AKAP9: variants seen among roughly 807,000 people sequenced by gnomAD.
The protein encoded by AKAP9 is A-kinase anchor protein 9.
AKAP9 carries 311 observed loss-of-function variants against 488.5 expected under a neutral mutation model. The observed-to-expected ratio is 0.64, with a 90% confidence interval of 0.58 to 0.70. AKAP9 has a LOEUF of 0.70. Ranked by LOEUF, AKAP9 falls within the 30% of genes least tolerant of loss-of-function variation. The pLI, the probability that AKAP9 is intolerant of heterozygous loss-of-function variation, is 0.00. For synonymous variants in AKAP9, 1,462 were observed against 1,483.5 expected (o/e 0.99, Z 0.33); for missense variants, 4,215 against 4,374.5 (o/e 0.96, Z 1.03).
intron 2 of AKAP9, among the ~76,000 whole-genome samples, chr7:91,975,039 A>T (rs961900243): frequency 6.6e-6 from 1 of 152,010 alleles, no homozygotes; most frequent in Non-Finnish European, 1.5e-5. Flanking sequence ...TTTGGTAGAG[A>T]TGGGATTTTG....
In AKAP9 at chr7:92,098,136, A is replaced by T. The variant is rs554151195; in HGVS notation, c.10635A>T (p.Glu3545Asp). The T allele has an allele frequency of 6.2e-7, 1 of 1,611,992 alleles. No individual in the cohort carries two copies. The highest frequency in any genetic ancestry group is 8.5e-7 in the Non-Finnish European group (1 of 1,178,232). ...TACAGTTTGAAACAGCAGATGATGA[A>T]GATTTCATTTGGGTTCAGGAAAATA... ...ERLQFETADD[E>D]DFIWVQENID... Residue 3545 changes from glutamate (E) to aspartate (D), a missense_variant, in exon 43 of 50, where the codon GAA becomes GAT. Physicochemically the swap from Glu to Asp is conservative, Grantham distance 45. This residue lies in a region of AKAP9 where 1,476 missense variants were observed against 1,477.4 expected (regional missense o/e 1.00). Transcript: ENST00000356239.
At chr7:92,063,334 A>C in intron 24 of AKAP9, 1 of 289,814 alleles carries the variant, frequency 3.5e-6, no homozygotes, top group Non-Finnish European at 5.2e-6. Context: ...TACCAGTGAT[A>C]ATCAGTGTCT....
At position 92,097,105 on chromosome 7, in the gene AKAP9, AG is replaced by A; in HGVS notation, c.10147del (p.Asp3383IlefsTer47). On this transcript the variant is annotated frameshift_variant, in exon 41 of 50. Coordinates refer to ENST00000356239, the MANE Select transcript of AKAP9 (RefSeq NM_005751.5). LOFTEE classifies it high-confidence loss of function. Reference sequence around the variant, plus strand: ...TGCAAACACGACAGCAAATGGAAAAAGATAGGCAGGTTCACAGGAAAACACT... The same window carrying A: ...TGCAAACACGACAGCAAATGGAAAAAATAGGCAGGTTCACAGGAAAACACT... ...SLQTRQQMEK[D>X]RQVHRKTLQT... The A allele has an allele frequency of 6.2e-7, 1 of 1,614,276 alleles. No homozygotes were observed. The highest frequency in any genetic ancestry group is 8.5e-7 in the Non-Finnish European group (1 of 1,180,052).
Position 92,061,247 on chromosome 7 carries a change from C to T in AKAP9, c.5602-13C>T, listed in dbSNP as rs767521484. On this transcript the variant is annotated splice_polypyrimidine_tract_variant and intron_variant, in intron 22 of 49. Transcript: ENST00000356239. ...TTTATTTTCTTTTATGTATTGTTTCCCTCTTTGTTTAGCTTGAACATGCGA... is the reference window on the plus strand; with the variant it reads ...TTTATTTTCTTTTATGTATTGTTTCTCTCTTTGTTTAGCTTGAACATGCGA... The T allele has an allele frequency of 1.9e-6, 3 of 1,610,468 alleles. No homozygotes were observed. The East Asian group carries it at 6.7e-5, about 36-fold the overall frequency.
chr7:92,024,541 A>G (rs1439303909), intron 14 of AKAP9, among the ~76,000 whole-genome samples: 1 of 151,802 alleles, frequency 6.6e-6, no homozygotes, highest in African/African-American at 2.4e-5. Context: ...AAAGACTTTA[A>G]GCTTTATAAG....
intron 1 of AKAP9, among the ~76,000 whole-genome samples, chr7:91,962,892 A>G (rs952409343): frequency 7.9e-5 from 12 of 152,150 alleles, no homozygotes; most frequent in African/African-American, 2.9e-4. Context: ...GCACATCTGA[A>G]TAAATATTAA....
At chr7:92,098,310 T>C in intron 43 of AKAP9, 96 bp downstream of exon 43, 1 of 685,232 alleles carries the variant, frequency 1.5e-6, no homozygotes, top group Non-Finnish European at 2.5e-6. Flanking sequence ...TTATACTCTT[T>C]ATAGAGTTTT....
chr7:92,056,888 T>A (rs1186201810), intron 22 of AKAP9, among the ~76,000 whole-genome samples: 1 of 152,010 alleles, frequency 6.6e-6, no homozygotes, highest in Non-Finnish European at 1.5e-5. Flanking sequence ...GAAAGAATAA[T>A]ACCAAAATGA....
chr7:91,994,037 G>A (rs1265873891), intron 5 of AKAP9, among the ~76,000 whole-genome samples: 1 of 152,156 alleles, frequency 6.6e-6, no homozygotes, highest in Non-Finnish European at 1.5e-5. Context: ...GCTGAGACAG[G>A]AAGATCACTG....
Position 91,941,005 on chromosome 7 carries a change from G to A in AKAP9, c.-95G>A, listed in dbSNP as rs1026369495. On this transcript the variant is annotated 5_prime_UTR_variant, in exon 1 of 50. Transcript: ENST00000356239. ...GACCGAATCGGCTCTCTAGGCCGTG[G>A]AGCTTGCCGTCCCACCTCCGTCCAA... 1.5e-6 allele frequency: 2 copies of A among 1,307,010 alleles called. No individual in the cohort carries two copies. Among genetic ancestry groups the A allele is most frequent in the African/African-American group, 2.9e-5 (2 of 68,628 alleles). 81.0% of individuals were successfully genotyped at this position (1,307,010 alleles called of 1,614,324 possible).
At chr7:92,050,083 G>C (rs1186392070) in intron 21 of AKAP9, among the ~76,000 whole-genome samples, 2 of 51,088 alleles carry the variant, frequency 3.9e-5, no homozygotes, top group African/African-American at 8.8e-5. Context: ...TTTTTTTTTT[G>C]AGACGGAGTT....
chr7:92,062,565 C>A, intron 24 of AKAP9, 79 bp downstream of exon 24: 1 of 1,144,478 alleles, frequency 8.7e-7, no homozygotes, highest in Non-Finnish European at 1.3e-6. Flanking sequence ...GGCTTTTTTC[C>A]TCTTTCAGTG....
At position 92,040,659 on chromosome 7, in the gene AKAP9, T is replaced by TC. The variant is rs1805941741; in HGVS notation, c.4693-15_4693-14insC. ...TATGGTTGAATTGTTTTTTTTTTTTTTTTTACTATTAAAGATTCATGATGA... is the reference window on the plus strand; with the variant it reads ...TATGGTTGAATTGTTTTTTTTTTTTTCTTTTACTATTAAAGATTCATGATGA... On this transcript the variant is annotated splice_polypyrimidine_tract_variant and intron_variant, in intron 17 of 49. Transcript: ENST00000356239. 2.7e-6 allele frequency: 4 copies of TC among 1,499,632 alleles called. No individual in the cohort carries two copies. Among genetic ancestry groups the TC allele is most frequent in the Non-Finnish European group, 3.6e-6 (4 of 1,102,360 alleles). 92.9% of individuals were successfully genotyped at this position (1,499,632 alleles called of 1,614,324 possible).
intron 14 of AKAP9, among the ~76,000 whole-genome samples, chr7:92,026,647 C>T (rs1803203720): frequency 6.6e-6 from 1 of 152,200 alleles, no homozygotes; most frequent in Non-Finnish European, 1.5e-5. Context: ...CAATGTTGCC[C>T]AGGCTGGAGT....
chr7:92,032,900 C>G (rs540201378), intron 16 of AKAP9, among the ~76,000 whole-genome samples: 353 of 152,104 alleles, frequency 2.3e-3, no homozygotes, highest in Non-Finnish European at 4.2e-3. Context: ...ATTGGATATA[C>G]CATCCTTTAA....
At chr7:92,094,567 G>T (rs560108813) in intron 39 of AKAP9, among the ~76,000 whole-genome samples, 1 of 150,476 alleles carries the variant, frequency 6.6e-6, no homozygotes, top group Non-Finnish European at 1.5e-5. Context: ...GGGCGCGGTG[G>T]CTCATGCCTG....
chr7:92,105,730 A>T lies in AKAP9; in HGVS notation c.11383A>T (p.Asn3795Tyr). ...WHRVTGSVSI[N>Y]INRDGFGLNQ... ...TCGAGTCACAGGTTCTGTTTCCATC[A>T]ATATTAACAGAGATGGCTTTGGACT... Residue 3795 changes from asparagine (N) to tyrosine (Y), a missense_variant, in exon 47 of 50, where the codon AAT becomes TAT. Physicochemically the swap from Asn to Tyr is moderately radical, Grantham distance 143. This residue lies in a region of AKAP9 where 253 missense variants were observed against 266.8 expected (regional missense o/e 0.95). Transcript: ENST00000356239. The T allele has an allele frequency of 3.1e-6, 5 of 1,614,150 alleles. No homozygotes were observed. Among genetic ancestry groups the T allele is most frequent in the Non-Finnish European group, 4.2e-6 (5 of 1,179,962 alleles).
chr7:92,076,008 G>A (rs928773794), intron 28 of AKAP9, among the ~76,000 whole-genome samples: 1 of 152,118 alleles, frequency 6.6e-6, no homozygotes, highest in African/African-American at 2.4e-5. Context: ...CTGCATCTTA[G>A]TTTGCTTTTT....
At chr7:91,987,313 G>A (rs1797223017) in intron 3 of AKAP9, among the ~76,000 whole-genome samples, 1 of 152,048 alleles carries the variant, frequency 6.6e-6, no homozygotes, top group African/African-American at 2.4e-5. Context: ...CAGCTACTTG[G>A]GAGGCTGAGG....
Sources: gnomAD v4.1 joint callset for allele counts (sites outside exome capture counted in the v4.1 genomes callset) on GRCh38, gnomAD v4.1.1 for gene constraint, gnomAD v4.1.1 regional missense constraint, MANE v1.5 for transcripts, NCBI Gene and HGNC (gene_info 2026-07-23, HGNC 2026-07-21) for gene names.